Variants in NCK2 observed in about 807,000 individuals in gnomAD.
NCK2 encodes NCK adaptor protein 2.
Under a neutral mutation model 33.9 loss-of-function variants are expected in NCK2, and 16 were observed. The observed-to-expected ratio is 0.47, with a 90% CI of 0.32 to 0.72. NCK2 has a LOEUF of 0.72. Among genes scored for constraint, NCK2 ranks in the 30% least tolerant of loss-of-function variants. The pLI is 0.03. For synonymous variants in NCK2, 273 were observed against 239.9 expected, an observed-to-expected ratio of 1.14 and a Z score of -1.27; for missense variants, 418 against 537.3, an observed-to-expected ratio of 0.78 and a Z score of 2.19.
At position 105,893,999 on chromosome 2, in the gene NCK2, G is replaced by GCGCA. The variant is rs140853322; in HGVS notation, c.*824_*825insGCAC. 4.7e-5 allele frequency: 7 copies of GCGCA among 149,576 alleles called. No homozygotes were observed. Among genetic ancestry groups the GCGCA allele is most frequent in the African/African-American group, 9.9e-5 (4 of 40,572 alleles). The allele number at this position is 149,576 out of a possible 1,614,324, so 9.3% of individuals were successfully genotyped here. A position where few individuals can be genotyped will look rare whatever the true frequency, so the allele number is the denominator to read the frequency against. On this transcript the variant is annotated 3_prime_UTR_variant, in exon 5 of 5. Transcript: ENST00000233154. ...CAACACTTTATACACACACACACGT[G>GCGCA]CACACACACACACACACACACTATA...
intron 1 of NCK2, among the ~76,000 whole-genome samples, chr2:105,776,891 C>G (rs1317198094): frequency 6.6e-6 from 1 of 151,440 alleles, no homozygotes; most frequent in Non-Finnish European, 1.5e-5. Context: ...TCTTCCTGAC[C>G]CCTTGGAGCC....
At chr2:105,803,145 C>G (rs906821737) in intron 1 of NCK2, among the ~76,000 whole-genome samples, 5 of 152,064 alleles carry the variant, frequency 3.3e-5, no homozygotes, top group Non-Finnish European at 7.4e-5. Context: ...GGCTTATTTT[C>G]TACTGTATCA....
At chr2:105,878,707 CATTT>C (rs926144047) in intron 3 of NCK2, among the ~76,000 whole-genome samples, 5 of 152,206 alleles carry the variant, frequency 3.3e-5, no homozygotes, top group African/African-American at 4.8e-5. Context: ...CACAGAGAGA[CATTT>C]ATTAAGTAAT....
intron 2 of NCK2, among the ~76,000 whole-genome samples, chr2:105,825,791 G>C (rs778840688): frequency 6.6e-6 from 1 of 152,192 alleles, no homozygotes; most frequent in Admixed American, 6.5e-5. Flanking sequence ...ACTCTGCTCT[G>C]TCAGTTACAG....
intron 3 of NCK2, among the ~76,000 whole-genome samples, chr2:105,870,223 T>A (rs1677943164): frequency 6.6e-6 from 1 of 152,138 alleles, no homozygotes; most frequent in African/African-American, 2.4e-5. Context: ...CTACAGGTGC[T>A]CCTCCTACCC....
intron 3 of NCK2, among the ~76,000 whole-genome samples, chr2:105,861,566 G>T (rs985994866): frequency 6.8e-6 from 1 of 146,314 alleles, no homozygotes; most frequent in Non-Finnish European, 1.5e-5. Context: ...CTAGGCTGGA[G>T]TGCAGTGGCA....
chr2:105,855,021 G>T, intron 2 of NCK2, 27 bp from the exon 3 acceptor site: 1 of 1,556,390 alleles, frequency 6.4e-7, no homozygotes, highest in Non-Finnish European at 8.9e-7. Flanking sequence ...GTTCTCTAAT[G>T]AGCATCTCCA....
chr2:105,828,722 C>T (rs1480123426), intron 2 of NCK2, among the ~76,000 whole-genome samples: 1 of 152,218 alleles, frequency 6.6e-6, no homozygotes, highest in South Asian at 2.1e-4. Flanking sequence ...CCACTTCCCC[C>T]TTGGGGCTGC....
intron 2 of NCK2, among the ~76,000 whole-genome samples, chr2:105,833,132 T>C (rs1175288204): frequency 1.3e-5 from 2 of 151,992 alleles, no homozygotes; most frequent in Non-Finnish European, 2.9e-5. Flanking sequence ...CTCACTGTTG[T>C]TGCCCAGGCT....
At chr2:105,877,436 C>T (rs967906045) in intron 3 of NCK2, among the ~76,000 whole-genome samples, 2 of 152,198 alleles carry the variant, frequency 1.3e-5, no homozygotes, top group African/African-American at 4.8e-5. Flanking sequence ...GTCCCATTGA[C>T]GTCTTTCCCA....
Position 105,884,893 on chromosome 2 carries a change from G to A in NCK2, c.948+2844G>A, listed in dbSNP as rs568610816. Among the ~76,000 whole-genome samples, 130 of 152,086 alleles carry A rather than the reference G, an allele frequency of 8.5e-4. 4 individuals are homozygous for A. In the South Asian group the frequency reaches 0.026, roughly 30 times the overall value. The stretch of plus-strand genomic sequence containing the variant: ...TGTTGTTGCTTATTCTCCATATTTC[G>A]TTATCATACCTTCACCTGTGAGCCA... On this transcript the variant is annotated intron_variant, in intron 4 of 4. Transcript: ENST00000233154.
At chr2:105,759,953 G>C (rs551666068) in intron 1 of NCK2, among the ~76,000 whole-genome samples, 1 of 152,168 alleles carries the variant, frequency 6.6e-6, no homozygotes, top group East Asian at 1.9e-4. Flanking sequence ...TGTGATCAGC[G>C]TGGCTTATGA....
At chr2:105,880,892 C>A in intron 3 of NCK2, among the ~76,000 whole-genome samples, 1 of 151,456 alleles carries the variant, frequency 6.6e-6, no homozygotes, top group Non-Finnish European at 1.5e-5. Flanking sequence ...CCCACCTCAG[C>A]CTCTCCAGTA....
chr2:105,869,309 A>G (rs542021679), intron 3 of NCK2, among the ~76,000 whole-genome samples: 1 of 152,276 alleles, frequency 6.6e-6, no homozygotes, highest in African/African-American at 2.4e-5. Context: ...ATGACAACAC[A>G]ATGGCAGCCA....
At chr2:105,771,214 G>A (rs1455832142) in intron 1 of NCK2, among the ~76,000 whole-genome samples, 5 of 151,682 alleles carry the variant, frequency 3.3e-5, no homozygotes, top group Admixed American at 2.0e-4. Flanking sequence ...GAGCCACCGC[G>A]CCCCGCCCAA....
intron 2 of NCK2, chr2:105,848,603 A>G (rs1328552293): frequency 1.3e-5 from 2 of 152,082 alleles, no homozygotes; most frequent in African/African-American, 2.4e-5. Context: ...GCCTGCCTCC[A>G]ACACGCTGCA....
intron 1 of NCK2, among the ~76,000 whole-genome samples, chr2:105,749,448 A>G (rs1413433383): frequency 6.6e-6 from 1 of 152,228 alleles, no homozygotes; most frequent in African/African-American, 2.4e-5. Context: ...TCCTCTTCAC[A>G]TACACCATCA....
chr2:105,756,995 G>A (rs1380413928), intron 1 of NCK2, among the ~76,000 whole-genome samples: 2 of 151,958 alleles, frequency 1.3e-5, no homozygotes, highest in African/African-American at 4.8e-5. Context: ...AGTAGAGATG[G>A]GGTTTCTTCA....
At chr2:105,880,852 T>A (rs779989133) in intron 3 of NCK2, among the ~76,000 whole-genome samples, 6 of 151,514 alleles carry the variant, frequency 4.0e-5, no homozygotes, top group Non-Finnish European at 8.8e-5. Context: ...CATGGCTCAC[T>A]GCAGTCTCAA....
Sources: allele counts gnomAD v4.1 joint callset (sites outside exome capture counted in the v4.1 genomes callset), GRCh38; gene constraint gnomAD v4.1.1; transcripts MANE v1.5; gene names NCBI Gene and HGNC (gene_info 2026-07-23, HGNC 2026-07-21).